ZNF560: variants seen among roughly 807,000 people sequenced by gnomAD.
The protein encoded by ZNF560 is zinc finger protein 560.
In ZNF560, 54 loss-of-function variants were observed where a neutral mutation model predicts 81.8. The observed-to-expected ratio is 0.66, with a 90% CI of 0.53 to 0.83. The LOEUF (loss-of-function observed/expected upper bound fraction) is 0.83, where lower values mean the gene tolerates loss of function less well. ZNF560 is among the 40% of genes least tolerant of loss of function. The pLI, the probability that ZNF560 is intolerant of heterozygous loss-of-function variation, is 0.00. For missense variants in ZNF560, 940 were observed against 932.4 expected, an observed-to-expected ratio of 1.01 and a Z score of -0.11; for synonymous variants, 321 against 317.9, an observed-to-expected ratio of 1.01 and a Z score of -0.10.
At chr19:9,496,333 G>T (rs2073557265) in intron 2 of ZNF560, among the ~76,000 whole-genome samples, 1 of 151,318 alleles carries the variant, frequency 6.6e-6, no homozygotes, top group Non-Finnish European at 1.5e-5. Context: ...GCGACAAAAT[G>T]AATCTCAAAA....
intron 2 of ZNF560, among the ~76,000 whole-genome samples, chr19:9,490,879 A>G (rs1599679135): frequency 6.6e-6 from 1 of 152,200 alleles, no homozygotes. Flanking sequence ...CAGAAGTCAC[A>G]TCGACTTTGG....
Position 9,473,252 on chromosome 19 carries a change from C to T in ZNF560, c.165G>A (p.Gln55=). 6.2e-7 allele frequency: 1 copy of T among 1,608,368 alleles called. No homozygotes were observed. Among genetic ancestry groups the T allele is most frequent in the East Asian group, 2.2e-5 (1 of 44,772 alleles). The change falls in exon 5 of 10, where the codon CAG becomes CAA. Residue 55 remains glutamine, a synonymous_variant. Coordinates refer to ENST00000301480, the MANE Select transcript of ZNF560 (RefSeq NM_152476.3). The part of the protein sequence containing the change: ...NYENVAKVGF[Q]LFKPSVISWL... ...AAGAGATGACACTGGGTTTAAAGAG[C>T]TGAAATCCTTTACATGAAGAAATGA...
At chr19:9,455,713 C>G in the ZNF560 span, among the ~76,000 whole-genome samples, 4 of 152,140 alleles carry the variant, frequency 2.6e-5, no homozygotes, top group African/African-American at 9.7e-5. Flanking sequence ...TTTGACAATG[C>G]TAATCCCAAG....
At chr19:9,448,576 T>C in the ZNF560 span, among the ~76,000 whole-genome samples, 1 of 151,922 alleles carries the variant, frequency 6.6e-6, no homozygotes, top group Admixed American at 6.6e-5. Context: ...GAATGATACC[T>C]GCTACCACAA....
chr19:9,481,458 A>G (rs2073288197), intron 2 of ZNF560, among the ~76,000 whole-genome samples: 1 of 152,266 alleles, frequency 6.6e-6, no homozygotes, highest in African/African-American at 2.4e-5. Flanking sequence ...TGCACAGCAA[A>G]AGAAACTGCC....
At chr19:9,475,174 G>T in intron 3 of ZNF560, 110 bp downstream of exon 3, 1 of 1,137,174 alleles carries the variant, frequency 8.8e-7, no homozygotes, top group Non-Finnish European at 1.3e-6. Flanking sequence ...GTGCTTGAGT[G>T]AGTCTTTATT....
chr19:9,490,506 C>T (rs1360399663), intron 2 of ZNF560, among the ~76,000 whole-genome samples: 1 of 152,198 alleles, frequency 6.6e-6, no homozygotes, highest in Non-Finnish European at 1.5e-5. Context: ...AAGAACCCTA[C>T]TATAACAGGG....
intron 2 of ZNF560, among the ~76,000 whole-genome samples, chr19:9,481,081 T>G (rs1415883240): frequency 1.1e-5 from 1 of 90,282 alleles, no homozygotes; most frequent in Non-Finnish European, 2.4e-5. Flanking sequence ...AGAGATTATC[T>G]GAAAAAAAAA....
chr19:9,503,115 C>T (rs116208996), upstream of ZNF560, among the ~76,000 whole-genome samples: 1,870 of 152,016 alleles, frequency 0.012, 40 homozygotes, highest in African/African-American at 0.043. Flanking sequence ...CAGCACTTTG[C>T]GAGGCCAAGG....
In ZNF560 at chr19:9,469,108, C is replaced by T. The variant is rs779906634; in HGVS notation, c.609G>A (p.Gln203=). The change falls in exon 9 of 10, where the codon CAG becomes CAA. Residue 203 remains glutamine (Q), a synonymous_variant. Transcript: ENST00000301480. Reference sequence around the variant, plus strand: ...AAAGTTCTTTTGTTAATCTTACCAACTGTATCCCATTTAATGTTTTTAAAC... The same window carrying T: ...AAAGTTCTTTTGTTAATCTTACCAATTGTATCCCATTTAATGTTTTTAAAC... ...NFCLKTLNGI[Q]LARNQNGEEL... The T allele has an allele frequency of 1.3e-6, 2 of 1,587,130 alleles. No individual in the cohort carries two copies. The highest frequency in any genetic ancestry group is 8.6e-7 in the Non-Finnish European group (1 of 1,166,292).
In ZNF560 at chr19:9,466,922, T is replaced by G; in HGVS notation, c.2025A>C (p.Leu675Phe). 5 of 1,614,160 alleles carry G rather than the reference T, an allele frequency of 3.1e-6. No homozygotes were observed. The highest frequency in any genetic ancestry group is 4.2e-6 in the Non-Finnish European group (5 of 1,180,030). ...AGGTCTTCTCTGCTGCATGAGTTTTTAAGTGTTGAGTTAGTACACAAGACC... is the reference window on the plus strand; with the variant it reads ...AGGTCTTCTCTGCTGCATGAGTTTTGAAGTGTTGAGTTAGTACACAAGACC... Reference protein sequence around the residue: ...YSRSCVLTQHLKTHAAEKTSE... With the variant: ...YSRSCVLTQHFKTHAAEKTSE... Residue 675 changes from leucine (L) to phenylalanine (F), a missense_variant, in exon 10 of 10, where the codon TTA (leucine) becomes TTC (phenylalanine). By Grantham distance (22) the Leu-to-Phe change is conservative. Coordinates refer to ENST00000301480, the MANE Select transcript of ZNF560 (RefSeq NM_152476.3).
intron 2 of ZNF560, among the ~76,000 whole-genome samples, chr19:9,492,186 C>T (rs545089983): frequency 1.3e-5 from 2 of 151,892 alleles, no homozygotes; most frequent in South Asian, 2.1e-4. Context: ...TTTTTGTTTT[C>T]ATAGAGATGG....
At chr19:9,469,502 G>T in intron 8 of ZNF560, 128 bp downstream of exon 8, 1 of 796,406 alleles carries the variant, frequency 1.3e-6, no homozygotes, top group South Asian at 1.6e-5. Flanking sequence ...GAAAAGTTAA[G>T]ATATCCCAAA....
At chr19:9,494,239 G>A (rs547439531) in intron 2 of ZNF560, among the ~76,000 whole-genome samples, 2 of 152,020 alleles carry the variant, frequency 1.3e-5, no homozygotes, top group East Asian at 3.9e-4. Context: ...TGGAAATGCA[G>A]ACTTAACCAT....
chr19:9,506,016 G>A, the ZNF560 span, among the ~76,000 whole-genome samples: 1 of 150,374 alleles, frequency 6.7e-6, no homozygotes, highest in African/African-American at 2.5e-5. Flanking sequence ...TTGAGATGGA[G>A]TCTTCTTGCT....
chr19:9,467,034 A>T lies in ZNF560; in HGVS notation c.1913T>A (p.Val638Asp). Residue 638 changes from valine to aspartate, a missense_variant, in exon 10 of 10, where the codon GTT (valine) becomes GAT (aspartate). By Grantham distance (152) the Val-to-Asp change is radical (BLOSUM62 -3). Transcript: ENST00000301480. ...YEYKDCGKAF[V>D]VSSSLVDHLR... Reference sequence around the variant, plus strand: ...ATGATCAACTAGACTGGAGGAGACAACAAAGGCTTTCCCACAGTCCTTATA... The same window carrying T: ...ATGATCAACTAGACTGGAGGAGACATCAAAGGCTTTCCCACAGTCCTTATA... The T allele has an allele frequency of 6.2e-7, 1 of 1,613,206 alleles. No individual in the cohort carries two copies.
At chr19:9,453,639 A>T in the ZNF560 span, among the ~76,000 whole-genome samples, 18 of 152,214 alleles carry the variant, frequency 1.2e-4, no homozygotes, top group Admixed American at 1.2e-3. Context: ...AATAATAAAT[A>T]AAAACTTTAA....
chr19:9,505,051 C>T, the ZNF560 span, among the ~76,000 whole-genome samples: 40 of 152,236 alleles, frequency 2.6e-4, no homozygotes, highest in South Asian at 7.5e-3. Context: ...CATCACTGCA[C>T]TCCAGCCAGG....
At chr19:9,448,843 TATC>T in the ZNF560 span, among the ~76,000 whole-genome samples, 9 of 152,122 alleles carry the variant, frequency 5.9e-5, no homozygotes, top group Admixed American at 5.9e-4. Flanking sequence ...GAGAAAGAGC[TATC>T]ATGCAAATGC....
Sources: allele counts gnomAD v4.1 joint callset (sites outside exome capture counted in the v4.1 genomes callset), GRCh38; gene constraint gnomAD v4.1.1; transcripts MANE v1.5; gene names NCBI Gene and HGNC (gene_info 2026-07-23, HGNC 2026-07-21).